Variants in PAIP2 observed in about 807,000 individuals in gnomAD.
PAIP2 encodes poly(A) binding protein interacting protein 2, also known as polyadenylate-binding protein-interacting protein 2.
PAIP2 carries 7 observed loss-of-function variants against 14.8 expected under a neutral mutation model. That is an observed-to-expected ratio of 0.47 (90% CI 0.27 to 0.89). PAIP2 has a LOEUF of 0.89. Among genes scored for constraint, PAIP2 ranks in the 40% least tolerant of loss-of-function variants. The pLI, the probability that PAIP2 is intolerant of heterozygous loss-of-function variation, is 0.13. For missense variants in PAIP2, 122 were observed against 154.7 expected (o/e 0.79, Z 1.12); for synonymous variants, 47 against 45.3 (o/e 1.04, Z -0.15).
intron 1 of PAIP2, among the ~76,000 whole-genome samples, 161 bp from the exon 2 acceptor site, chr5:139,363,598 T>G (rs944759953): frequency 1.3e-5 from 2 of 151,876 alleles, no homozygotes; most frequent in Non-Finnish European, 2.9e-5. Flanking sequence ...GGTGCACACC[T>G]GTAGTCCCAG....
intron 1 of PAIP2, among the ~76,000 whole-genome samples, chr5:139,351,895 A>C (rs140397100): frequency 6.6e-6 from 1 of 152,166 alleles, no homozygotes; most frequent in Non-Finnish European, 1.5e-5. Context: ...CCTGACCCCA[A>C]GTGATCCTCC....
At chr5:139,367,228 A>G (rs144815785) in intron 3 of PAIP2, 1 of 152,340 alleles carries the variant, frequency 6.6e-6, no homozygotes, top group African/African-American at 2.4e-5. Flanking sequence ...AATATTATGC[A>G]TTAGTCTTGA....
intron 1 of PAIP2, among the ~76,000 whole-genome samples, chr5:139,350,739 A>G (rs1756704574): frequency 6.6e-6 from 1 of 152,086 alleles, no homozygotes; most frequent in Non-Finnish European, 1.5e-5. Context: ...AAAAATAGAG[A>G]AAACAGGCAA....
At chr5:139,366,672 G>A (rs1757266893) in intron 3 of PAIP2, among the ~76,000 whole-genome samples, 1 of 152,178 alleles carries the variant, frequency 6.6e-6, no homozygotes, top group Admixed American at 6.5e-5. Context: ...TCTGGACCCA[G>A]TATAATTCCA....
chr5:139,366,924 G>A (rs1757280947), intron 3 of PAIP2, among the ~76,000 whole-genome samples: 1 of 152,114 alleles, frequency 6.6e-6, no homozygotes, highest in Non-Finnish European at 1.5e-5. Flanking sequence ...GCTGGGTGTG[G>A]TGGCACAGGC....
rs1253191410 is a variant in PAIP2, at chr5:139,351,128, TATA to T, written c.-27+9152_-27+9154del. On this transcript the variant is annotated intron_variant, in intron 1 of 3. Coordinates refer to ENST00000265192, the MANE Select transcript of PAIP2 (RefSeq NM_016480.5). Reference sequence around the variant, plus strand: ...TTGCAAAAATAAAATACAATACATATATAATATCTGGGATTGTTGAAGATGCAG... The same window carrying T: ...TTGCAAAAATAAAATACAATACATATATATCTGGGATTGTTGAAGATGCAG... 1.1e-4 allele frequency among the ~76,000 whole-genome samples: 17 copies of T among 152,276 alleles called. No individual in the cohort carries two copies. The East Asian group carries it at 3.3e-3, about 29-fold the overall frequency.
chr5:139,348,818 C>G (rs191845778), intron 1 of PAIP2, among the ~76,000 whole-genome samples: 1 of 151,894 alleles, frequency 6.6e-6, no homozygotes, highest in South Asian at 2.1e-4. Context: ...GCTGGGATTA[C>G]AGGTGCCTGC....
At chr5:139,364,412 G>C (rs1025559383) in intron 2 of PAIP2, 152 bp from the exon 3 acceptor site, 8 of 525,966 alleles carry the variant, frequency 1.5e-5, no homozygotes, top group African/African-American at 1.2e-4. Flanking sequence ...GATCTTCGCC[G>C]GTCATTATGG....
chr5:139,350,903 A>C (rs1219124142), intron 1 of PAIP2, among the ~76,000 whole-genome samples: 1 of 152,204 alleles, frequency 6.6e-6, no homozygotes, highest in Non-Finnish European at 1.5e-5. Context: ...ATAAGCTTTC[A>C]TTAGTGGGGG....
chr5:139,365,845 A>G (rs1202012467), intron 3 of PAIP2, among the ~76,000 whole-genome samples: 1 of 152,184 alleles, frequency 6.6e-6, no homozygotes, highest in African/African-American at 2.4e-5. Flanking sequence ...ATTTAAAAAC[A>G]CACACAATAT....
chr5:139,353,098 ACT>A (rs1756798067), intron 1 of PAIP2, among the ~76,000 whole-genome samples: 1 of 149,670 alleles, frequency 6.7e-6, no homozygotes, highest in Non-Finnish European at 1.5e-5. Flanking sequence ...CAAGAATGAA[ACT>A]CTGTCTCAAA....
chr5:139,364,025 T>C, intron 2 of PAIP2, 103 bp downstream of exon 2: 3 of 916,326 alleles, frequency 3.3e-6, no homozygotes, highest in Non-Finnish European at 5.1e-6. Flanking sequence ...GTATAAAGTA[T>C]GTAGACTGAT....
intron 3 of PAIP2, among the ~76,000 whole-genome samples, chr5:139,368,444 G>A (rs774488130): frequency 1.4e-4 from 21 of 152,178 alleles, no homozygotes; most frequent in Non-Finnish European, 2.6e-4. Context: ...CAGGAGAATC[G>A]CTTGAACCCA....
At chr5:139,365,794 G>C (rs1252021028) in intron 3 of PAIP2, among the ~76,000 whole-genome samples, 1 of 152,208 alleles carries the variant, frequency 6.6e-6, no homozygotes, top group Non-Finnish European at 1.5e-5. Context: ...TTTTAGTCCT[G>C]ATGTTGCCCT....
chr5:139,357,745 C>A (rs1459721410), intron 1 of PAIP2, among the ~76,000 whole-genome samples: 1 of 152,178 alleles, frequency 6.6e-6, no homozygotes, highest in African/African-American at 2.4e-5. Context: ...GAAGGAGAAT[C>A]GCTTGAACCT....
intron 3 of PAIP2, among the ~76,000 whole-genome samples, chr5:139,365,850 C>A (rs1255213350): frequency 1.3e-5 from 2 of 152,126 alleles, no homozygotes; most frequent in South Asian, 2.1e-4. Context: ...AAAACACACA[C>A]AATATTATCA....
At chr5:139,359,173 C>T (rs1365675483) in intron 1 of PAIP2, among the ~76,000 whole-genome samples, 1 of 151,974 alleles carries the variant, frequency 6.6e-6, no homozygotes, top group Non-Finnish European at 1.5e-5. Context: ...CTTACTCTGT[C>T]TCCCAGGCTG....
intron 1 of PAIP2, among the ~76,000 whole-genome samples, chr5:139,356,695 C>T (rs1381568314): frequency 6.6e-6 from 1 of 151,804 alleles, no homozygotes; most frequent in African/African-American, 2.4e-5. Context: ...ACCAGCCTAG[C>T]CAACATGGTG....
chr5:139,360,940 C>T (rs1024082568), intron 1 of PAIP2, among the ~76,000 whole-genome samples: 1 of 151,906 alleles, frequency 6.6e-6, no homozygotes, highest in African/African-American at 2.4e-5. Context: ...ACCACCACAT[C>T]CAGCTAATTT....
Sources: allele counts gnomAD v4.1 joint callset (sites outside exome capture counted in the v4.1 genomes callset), GRCh38; gene constraint gnomAD v4.1.1; transcripts MANE v1.5; gene names NCBI Gene and HGNC (gene_info 2026-07-23, HGNC 2026-07-21).